Variants in GDA observed in about 807,000 individuals in gnomAD.
GDA encodes the protein cytoplasmic PSD-95 interactor.
In GDA, 18 loss-of-function variants were observed where a neutral mutation model predicts 59.6. The ratio of observed to expected loss-of-function variants is 0.30; its 90% confidence interval spans 0.21 to 0.45. The LOEUF (loss-of-function observed/expected upper bound fraction) is 0.45. GDA is among the 20% of genes least tolerant of loss of function. The pLI, the probability that GDA is intolerant of heterozygous loss-of-function variation, is 1.00. For missense variants in GDA, 427 were observed against 552.3 expected (o/e 0.77, Z 2.27); for synonymous variants, 201 against 201.1 (o/e 1.00, Z 0.00).
chr9:72,214,057 A>G (rs17494333), intron 5 of GDA, 66 bp downstream of exon 5: 262,165 of 891,680 alleles, frequency 0.29, 41,407 homozygotes, highest in Admixed American at 0.45. Flanking sequence ...ATGGAGTTAG[A>G]GATGGAAAAA....
chr9:72,222,301 C>G (rs552179428), intron 6 of GDA, among the ~76,000 whole-genome samples: 1 of 152,148 alleles, frequency 6.6e-6, no homozygotes, highest in Admixed American at 6.6e-5. Flanking sequence ...TTGTATTTCT[C>G]TAATGATCAG....
At chr9:72,175,200 T>A (rs1019707375) in intron 1 of GDA, among the ~76,000 whole-genome samples, 3 of 152,178 alleles carry the variant, frequency 2.0e-5, no homozygotes, top group African/African-American at 7.2e-5. Context: ...AGGGTCTCAC[T>A]CTGTCACCCA....
upstream of GDA, among the ~76,000 whole-genome samples, chr9:72,147,302 G>A (rs901184881): frequency 5.3e-5 from 8 of 152,140 alleles, no homozygotes; most frequent in Non-Finnish European, 1.2e-4. Context: ...CCGCCTCCGG[G>A]GTTCAAGCAA....
chr9:72,248,130 A>G, intron 13 of GDA, 142 bp from the exon 14 acceptor site: 1 of 667,954 alleles, frequency 1.5e-6, no homozygotes, highest in South Asian at 1.8e-5. Context: ...TTCAGATTAT[A>G]AACAATCTGA....
chr9:72,200,962 A>G (rs929218775), intron 2 of GDA, among the ~76,000 whole-genome samples: 1 of 152,142 alleles, frequency 6.6e-6, no homozygotes, highest in Non-Finnish European at 1.5e-5. Flanking sequence ...TTTTCAAGCT[A>G]CATAAATTCC....
intron 1 of GDA, among the ~76,000 whole-genome samples, chr9:72,119,235 C>A (rs933124855): frequency 6.6e-6 from 1 of 152,092 alleles, no homozygotes; most frequent in Non-Finnish European, 1.5e-5. Flanking sequence ...CCAGGCGCAG[C>A]GGCTCACACC....
intron 3 of GDA, 85 bp downstream of exon 3, chr9:72,202,827 C>A: frequency 1.8e-6 from 2 of 1,095,026 alleles, no homozygotes; most frequent in South Asian, 1.5e-5. Flanking sequence ...AATTATAAAG[C>A]ATAAGCAGTT....
chr9:72,249,273 G>C lies in GDA; in HGVS notation c.*931G>C, dbSNP rs1332423861. The stretch of plus-strand genomic sequence containing the variant: ...GGAGCCGCCAATACTAACAGGACAG[G>C]TTCCATTGCCATGGCCTATTCCACC... On this transcript the variant is annotated 3_prime_UTR_variant, in exon 14 of 14. Transcript: ENST00000358399. 1.0e-6 allele frequency: 1 copy of C among 985,244 alleles called. No individual in the cohort carries two copies. The highest frequency in any genetic ancestry group is 1.2e-6 in the Non-Finnish European group (1 of 829,914). 61.0% of individuals were successfully genotyped at this position (985,244 alleles called of 1,614,324 possible).
intron 1 of GDA, among the ~76,000 whole-genome samples, chr9:72,169,743 A>C (rs1199061310): frequency 2.0e-5 from 3 of 152,258 alleles, no homozygotes; most frequent in African/African-American, 7.2e-5. Flanking sequence ...CCAACTTCCT[A>C]TATGCAGTCA....
intron 1 of GDA, among the ~76,000 whole-genome samples, chr9:72,164,807 C>A (rs573436929): frequency 1.3e-5 from 2 of 151,674 alleles, no homozygotes; most frequent in South Asian, 2.1e-4. Flanking sequence ...CATGGTGAAA[C>A]CCTGTCTCTA....
At chr9:72,154,480 G>A (rs1276011002) in intron 1 of GDA, among the ~76,000 whole-genome samples, 2 of 152,170 alleles carry the variant, frequency 1.3e-5, no homozygotes, top group Non-Finnish European at 2.9e-5. Flanking sequence ...CCAAGTGGTA[G>A]AGAAGGAAGC....
chr9:72,215,058 G>A (rs1835933578), intron 5 of GDA, among the ~76,000 whole-genome samples: 1 of 152,046 alleles, frequency 6.6e-6, no homozygotes, highest in Non-Finnish European at 1.5e-5. Flanking sequence ...TCATGATATA[G>A]ATCACACCTC....
upstream of GDA, among the ~76,000 whole-genome samples, chr9:72,149,022 T>C (rs762172838): frequency 2.0e-5 from 3 of 152,276 alleles, no homozygotes; most frequent in Non-Finnish European, 4.4e-5. Flanking sequence ...TCCAGAACCT[T>C]CCAGGTGAGG....
At position 72,223,107 on chromosome 9, in the gene GDA, T is replaced by G; in HGVS notation, c.607-13T>G. On this transcript the variant is annotated splice_polypyrimidine_tract_variant and intron_variant, in intron 6 of 13. Coordinates refer to ENST00000358399, the MANE Select transcript of GDA (RefSeq NM_004293.5). ...GTAAGGAAGAGGTATCAATTGTTTT[T>G]AATTATCTCCAGTATTCTAGAGTGA... The G allele has an allele frequency of 7.5e-7, 1 of 1,342,108 alleles. No homozygotes were observed. The highest frequency in any genetic ancestry group is 1.1e-6 in the Non-Finnish European group (1 of 937,278). The allele number at this position is 1,342,108 out of a possible 1,614,324, so 83.1% of individuals were successfully genotyped here.
chr9:72,179,984 G>A (rs1041778479), intron 1 of GDA, among the ~76,000 whole-genome samples: 7 of 149,054 alleles, frequency 4.7e-5, no homozygotes, highest in Non-Finnish European at 7.4e-5. Flanking sequence ...GGCGGGGGGG[G>A]TTAGGACTGT....
intron 1 of GDA, among the ~76,000 whole-genome samples, chr9:72,174,946 G>C (rs963853902): frequency 6.6e-6 from 1 of 152,040 alleles, no homozygotes; most frequent in Non-Finnish European, 1.5e-5. Flanking sequence ...CATGTGTCAA[G>C]GCCGTATGGA....
At chr9:72,182,972 C>T (rs948544462) in intron 1 of GDA, among the ~76,000 whole-genome samples, 16 of 152,164 alleles carry the variant, frequency 1.1e-4, no homozygotes, top group Non-Finnish European at 2.2e-4. Flanking sequence ...GCTTCTTTGT[C>T]CTTTTGACTA....
In GDA at chr9:72,247,399, A is replaced by C; in HGVS notation, c.1267-7A>C. The C allele has an allele frequency of 6.8e-7, 1 of 1,471,424 alleles. No individual in the cohort carries two copies. The highest frequency in any genetic ancestry group is 2.3e-5 in the East Asian group (1 of 44,202). 91.1% of individuals were successfully genotyped at this position (1,471,424 alleles called of 1,614,324 possible). On this transcript the variant is annotated splice_polypyrimidine_tract_variant and splice_region_variant and intron_variant, in intron 12 of 13. Transcript: ENST00000358399. ...GTCTTTCTTATTACTTTTATTTTCCATTTTAGGCTGTTATCCAGAAGTTCC... is the reference window on the plus strand; with the variant it reads ...GTCTTTCTTATTACTTTTATTTTCCCTTTTAGGCTGTTATCCAGAAGTTCC...
chr9:72,156,300 G>T (rs1827884312), intron 1 of GDA, among the ~76,000 whole-genome samples: 1 of 152,188 alleles, frequency 6.6e-6, no homozygotes, highest in Non-Finnish European at 1.5e-5. Context: ...ATGTTCTTCA[G>T]TTCTGAAGAC....
Sources: allele counts gnomAD v4.1 joint callset (sites outside exome capture counted in the v4.1 genomes callset), GRCh38; gene constraint gnomAD v4.1.1; transcripts MANE v1.5; gene names NCBI Gene and HGNC (gene_info 2026-07-23, HGNC 2026-07-21).